UNC80: variants seen among roughly 807,000 people sequenced by gnomAD.
UNC80 encodes the protein unc-80 subunit of NALCN channel complex.
Under a neutral mutation model 384.6 loss-of-function variants are expected in UNC80, and 164 were observed. The observed-to-expected ratio is 0.43, with a 90% confidence interval of 0.38 to 0.49. The LOEUF is 0.49. Ranked by LOEUF, UNC80 falls within the 20% of genes least tolerant of loss-of-function variation. The pLI, the probability that UNC80 is intolerant of heterozygous loss-of-function variation, is 0.00. For synonymous variants in UNC80, 1,486 were observed against 1,527.8 expected, an observed-to-expected ratio of 0.97 and a Z score of 0.64; for missense variants, 3,330 against 4,143.0, an observed-to-expected ratio of 0.80 and a Z score of 5.39.
chr2:209,943,035 A>G (rs1323073146), intron 44 of UNC80, among the ~76,000 whole-genome samples: 3 of 152,184 alleles, frequency 2.0e-5, no homozygotes, highest in Non-Finnish European at 4.4e-5. Context: ...AATTCACTTA[A>G]CCAAGATATA....
intron 35 of UNC80, 106 bp from the exon 36 acceptor site, chr2:209,926,737 C>T (rs2090465988): frequency 7.2e-7 from 1 of 1,392,842 alleles, no homozygotes; most frequent in Non-Finnish European, 9.8e-7. Context: ...GATCATGCCA[C>T]TGTACTCCAG....
chr2:209,839,392 G>A lies in UNC80; in HGVS notation c.3212G>A (p.Arg1071His), dbSNP rs755460416. The A allele has an allele frequency of 9.0e-6, 14 of 1,551,886 alleles. No individual in the cohort carries two copies. The highest frequency in any genetic ancestry group is 1.7e-4 in the Middle Eastern group (1 of 6,016). The change falls in exon 19 of 65, where the codon CGC (arginine) becomes CAC (histidine). Residue 1071 changes from arginine (R) to histidine (H), a missense_variant. This residue lies in a region of UNC80 where 801 missense variants were observed against 950.8 expected (regional missense o/e 0.84). Coordinates refer to ENST00000673920, the MANE Select transcript of UNC80 (RefSeq NM_001371986.1). This position sits in a 1 kb window ranked among gnomAD's most constrained non-coding sequence, Gnocchi z 4.1. Reference protein sequence around the residue: ...TSDRRARSRSRRISLRKKLKL... With the variant: ...TSDRRARSRSHRISLRKKLKL... ...GACCGACGTGCCCGCTCACGATCCC[G>A]CAGAATTTCCCTCCGAAAGAAGCTT...
intron 19 of UNC80, among the ~76,000 whole-genome samples, chr2:209,840,080 A>G (rs762446895): frequency 1.4e-4 from 22 of 152,220 alleles, no homozygotes; most frequent in Non-Finnish European, 2.2e-4. Flanking sequence ...ACAGGAGAGT[A>G]ACTCAAGCAA....
intron 16 of UNC80, among the ~76,000 whole-genome samples, chr2:209,833,466 G>A (rs1479950624): frequency 6.6e-6 from 1 of 152,142 alleles, no homozygotes; most frequent in African/African-American, 2.4e-5. Context: ...GTTCAAATGG[G>A]CTACAACATA....
At chr2:209,837,285 C>T (rs1050455961) in intron 18 of UNC80, among the ~76,000 whole-genome samples, 3 of 152,108 alleles carry the variant, frequency 2.0e-5, no homozygotes, top group African/African-American at 4.8e-5. Flanking sequence ...TAAGTTTCAT[C>T]AAATATTATG....
intron 28 of UNC80, among the ~76,000 whole-genome samples, chr2:209,898,056 A>C (rs973076937): frequency 2.0e-5 from 3 of 152,080 alleles, no homozygotes; most frequent in Non-Finnish European, 4.4e-5. Context: ...ATTCTGTAGG[A>C]TCTACAGTGA....
chr2:209,866,260 T>G (rs2083754751), intron 22 of UNC80, among the ~76,000 whole-genome samples: 3 of 152,258 alleles, frequency 2.0e-5, no homozygotes, highest in Non-Finnish European at 4.4e-5. Flanking sequence ...CTCTTTCATA[T>G]TTTTCATCTC....
Position 209,819,105 on chromosome 2 carries a change from G to C in UNC80, c.1806G>C (p.Gln602His), listed in dbSNP as rs200473652. ...FNEHMRKLCN[Q>H]VPIPEMPHEP... ...AGCATATGAGGAAACTCTGCAACCA[G>C]GTGCCTATCCCGGAGATGCCACATG... is the stretch of plus-strand genomic sequence containing the variant. The change falls in exon 12 of 65, where the codon CAG becomes CAC. Residue 602 changes from glutamine (Q) to histidine (H), a missense_variant. Physicochemically the swap from Gln to His is conservative, Grantham distance 24 (BLOSUM62 0). Transcript: ENST00000673920. The C allele has an allele frequency of 2.5e-3, 3,899 of 1,552,152 alleles. 5 individuals carry two copies. The highest frequency in any genetic ancestry group is 3.2e-3 in the Non-Finnish European group (3,690 of 1,147,104).
chr2:209,774,906 A>G (rs958761295), intron 2 of UNC80, among the ~76,000 whole-genome samples: 1 of 152,160 alleles, frequency 6.6e-6, no homozygotes, highest in African/African-American at 2.4e-5. Context: ...TCTCTGTAGT[A>G]AGCCATATTA....
chr2:209,865,367 C>A (rs533522697), intron 22 of UNC80, among the ~76,000 whole-genome samples: 2 of 152,236 alleles, frequency 1.3e-5, no homozygotes, highest in South Asian at 4.1e-4. Flanking sequence ...CTTTGGGAGG[C>A]CAAGGCAGGC....
chr2:209,839,584 G>A lies in UNC80; in HGVS notation c.3250+154G>A. 1.2e-6 allele frequency: 1 copy of A among 818,558 alleles called. No individual in the cohort carries two copies. The highest frequency in any genetic ancestry group is 1.9e-6 in the Non-Finnish European group (1 of 526,130). 50.7% of individuals were successfully genotyped at this position (818,558 alleles called of 1,614,324 possible). A position where few individuals can be genotyped will look rare whatever the true frequency, so the allele number is the denominator to read the frequency against. On this transcript the variant is annotated intron_variant, in intron 19 of 64. Transcript: ENST00000673920. This position sits in a 1 kb window ranked among gnomAD's most constrained non-coding sequence, Gnocchi z 4.1. Reference sequence around the variant, plus strand: ...ATTCATTCATTTAATTTTTCCCACAGTATTTTTCAATACCCTACTATGTGC... The same window carrying A: ...ATTCATTCATTTAATTTTTCCCACAATATTTTTCAATACCCTACTATGTGC...
In UNC80 at chr2:209,903,585, AAT is replaced by A. The variant is rs56329091; in HGVS notation, c.4582-1170_4582-1169del. 2.7e-4 allele frequency among the ~76,000 whole-genome samples: 11 copies of A among 40,110 alleles called. 1 individual carries two copies. Among genetic ancestry groups the A allele is most frequent in the African/African-American group, 8.7e-4 (9 of 10,340 alleles). 26.3% of individuals were successfully genotyped at this position (40,110 alleles called of 152,430 possible). ...TATACTATATATATAGTATATATGT[AAT>A]ATATATATACTATATATATAGTATA... On this transcript the variant is annotated intron_variant, in intron 28 of 64. Transcript: ENST00000673920.
In UNC80 at chr2:209,842,397, T is replaced by A. The variant is rs931894421; in HGVS notation, c.3405T>A (p.Ser1135Arg). The A allele has an allele frequency of 1.9e-6, 3 of 1,551,180 alleles. No individual in the cohort carries two copies. In the African/African-American group the frequency reaches 4.1e-5, roughly 21 times the overall value. The change falls in exon 21 of 65, where the codon AGT (serine) becomes AGA (arginine). Residue 1135 changes from serine (S) to arginine (R), a missense_variant. Ser to Arg is a moderately radical substitution (Grantham distance 110). This residue lies in a region of UNC80 where 801 missense variants were observed against 950.8 expected (regional missense o/e 0.84). Coordinates refer to ENST00000673920, the MANE Select transcript of UNC80 (RefSeq NM_001371986.1). Reference protein sequence around the residue: ...AVKLSEGGPGSGMENGRDEEE... With the variant: ...AVKLSEGGPGRGMENGRDEEE... ...AGCTTTCTGAAGGTGGGCCAGGAAG[T>A]GGCATGGAAAATGGAAGAGATGAAG...
intron 35 of UNC80, among the ~76,000 whole-genome samples, chr2:209,923,307 G>A (rs1228468424): frequency 1.3e-5 from 2 of 152,102 alleles, no homozygotes; most frequent in Admixed American, 6.5e-5. Flanking sequence ...GTCACAATTT[G>A]TCTAATCCAA....
rs902561280 is a variant in UNC80 at position 209,978,750 on chromosome 2, C to T, written c.9118+42C>T. ...AATCTGGGCAGTAGACATGGCCTGG[C>T]CATACGAGCAGGGGCTTGGGAAGGA... On this transcript the variant is annotated intron_variant, in intron 59 of 64. Transcript: ENST00000673920. 1.0e-5 allele frequency: 15 copies of T among 1,452,484 alleles called. No homozygotes were observed. The Admixed American group carries it at 1.5e-4, about 14-fold the overall frequency. 90.0% of individuals were successfully genotyped at this position (1,452,484 alleles called of 1,614,324 possible). A position where few individuals can be genotyped will look rare whatever the true frequency, so the allele number is the denominator to read the frequency against.
rs188436330 is a variant in UNC80, at chr2:209,930,671, G to A, written c.5908-297G>A. 3.3e-5 allele frequency among the ~76,000 whole-genome samples: 5 copies of A among 151,952 alleles called. No homozygotes were observed. The East Asian group carries it at 7.8e-4, about 24-fold the overall frequency. On this transcript the variant is annotated intron_variant, in intron 37 of 64. Transcript: ENST00000673920. The stretch of plus-strand genomic sequence containing the variant: ...GCCAATAGAGTTAACTAAATATACA[G>A]CTTTCCTGTGACTTGCCTGTGACCT...
chr2:209,960,119 T>C (rs2092544533), intron 51 of UNC80, among the ~76,000 whole-genome samples: 1 of 152,236 alleles, frequency 6.6e-6, no homozygotes, highest in Non-Finnish European at 1.5e-5. Flanking sequence ...TTTCTGCTTC[T>C]AGGGTCCCTA....
chr2:209,781,745 A>G (rs1246157514), intron 4 of UNC80, among the ~76,000 whole-genome samples: 1 of 152,188 alleles, frequency 6.6e-6, no homozygotes, highest in African/African-American at 2.4e-5. Context: ...TACCATGTGT[A>G]TCCTGCAGGC....
At chr2:209,907,320 G>A (rs1406950782) in intron 29 of UNC80, among the ~76,000 whole-genome samples, 1 of 143,112 alleles carries the variant, frequency 7.0e-6, no homozygotes, top group African/African-American at 2.6e-5. Flanking sequence ...AATACAGTTT[G>A]TACCCCCATA....
Sources: allele counts gnomAD v4.1 joint callset (sites outside exome capture counted in the v4.1 genomes callset), GRCh38; gene constraint gnomAD v4.1.1; regional missense constraint gnomAD v4.1.1; non-coding constraint Gnocchi (gnomAD v3.1); transcripts MANE v1.5; gene names NCBI Gene and HGNC (gene_info 2026-07-23, HGNC 2026-07-21).